The following ACMSD variants were observed in gnomAD, a reference collection of about 807,000 sequenced individuals.
The protein encoded by ACMSD is 2-amino-3-carboxymuconate-6-semialdehyde decarboxylase.
Under a neutral mutation model 45.9 loss-of-function variants are expected in ACMSD, and 37 were observed. That is an observed-to-expected ratio of 0.81 (90% CI 0.62 to 1.06). The LOEUF (loss-of-function observed/expected upper bound fraction) is 1.06, where lower values mean the gene tolerates loss of function less well. ACMSD is among the 50% of genes least tolerant of loss of function. The probability of loss-of-function intolerance (pLI) is 0.00; values close to 1 mark genes in which losing one functional copy is unlikely to be tolerated. For missense variants in ACMSD, 434 were observed against 420.9 expected (o/e 1.03, Z -0.27); for synonymous variants, 138 against 148.8 (o/e 0.93, Z 0.53).
intron 2 of ACMSD, among the ~76,000 whole-genome samples, chr2:134,855,666 C>A (rs977701376): frequency 6.6e-6 from 1 of 152,236 alleles, no homozygotes. Flanking sequence ...AGTGTGTGGA[C>A]ACCTGTCACA....
At chr2:134,866,329 A>G (rs1170346915) in intron 5 of ACMSD, among the ~76,000 whole-genome samples, 1 of 152,224 alleles carries the variant, frequency 6.6e-6, no homozygotes, top group Non-Finnish European at 1.5e-5. Context: ...CCAGAGGCAC[A>G]TAGAATAAAC....
intron 8 of ACMSD, chr2:134,872,899 TC>T: frequency 2.4e-6 from 1 of 421,706 alleles, no homozygotes; most frequent in South Asian, 3.4e-5. Flanking sequence ...GGCTGGGTAT[TC>T]CCCCAGATCA....
chr2:134,880,062 ATGTC>A (rs1688951174), intron 8 of ACMSD, among the ~76,000 whole-genome samples: 1 of 152,228 alleles, frequency 6.6e-6, no homozygotes, highest in Admixed American at 6.5e-5. Flanking sequence ...TTATCTAAAA[ATGTC>A]TGTATTCATC....
intron 8 of ACMSD, among the ~76,000 whole-genome samples, chr2:134,883,494 T>C (rs1321331720): frequency 6.6e-6 from 1 of 152,152 alleles, no homozygotes; most frequent in African/African-American, 2.4e-5. Context: ...GTGATAGAAC[T>C]AGCAATAGAA....
chr2:134,893,916 C>G (rs565356237), intron 8 of ACMSD, among the ~76,000 whole-genome samples: 1 of 152,204 alleles, frequency 6.6e-6, no homozygotes, highest in South Asian at 2.1e-4. Context: ...AAACATTAGA[C>G]ATGAATAGAA....
Position 134,872,506 on chromosome 2 carries a change from T to C in ACMSD, c.714T>C (p.His238=), listed in dbSNP as rs1433776256. Residue 238 remains histidine, a synonymous_variant, in exon 8 of 10, where the codon CAT becomes CAC. Transcript: ENST00000356140. Reference sequence around the variant, plus strand: ...CCTTCACAGTGGGAAGAATCTCCCATGGATTCAGCATGCGCCCAGATCTGT... The same window carrying C: ...CCTTCACAGTGGGAAGAATCTCCCACGGATTCAGCATGCGCCCAGATCTGT... The part of the protein sequence containing the change: ...AFPFTVGRIS[H]GFSMRPDLCA... 7 of 1,614,040 alleles carry C rather than the reference T, an allele frequency of 4.3e-6. No individual in the cohort carries two copies. The African/African-American group carries it at 8.0e-5, about 18-fold the overall frequency.
At chr2:134,888,785 G>A (rs915649603) in intron 8 of ACMSD, among the ~76,000 whole-genome samples, 1 of 152,080 alleles carries the variant, frequency 6.6e-6, no homozygotes, top group Non-Finnish European at 1.5e-5. Context: ...AGTTCTTGAA[G>A]AGGCAAAACT....
chr2:134,843,485 C>T (rs1348154128), intron 1 of ACMSD, among the ~76,000 whole-genome samples: 1 of 152,162 alleles, frequency 6.6e-6, no homozygotes, highest in Non-Finnish European at 1.5e-5. Context: ...GACACAAACA[C>T]CTCTATGCTG....
intron 8 of ACMSD, among the ~76,000 whole-genome samples, chr2:134,876,397 T>C (rs916218980): frequency 6.6e-6 from 1 of 152,206 alleles, no homozygotes; most frequent in African/African-American, 2.4e-5. Context: ...TCTCTTTATA[T>C]CCTGATAATC....
chr2:134,883,937 A>C (rs1456399119), intron 8 of ACMSD, among the ~76,000 whole-genome samples: 1 of 152,162 alleles, frequency 6.6e-6, no homozygotes, highest in Non-Finnish European at 1.5e-5. Flanking sequence ...TCTTGCTACT[A>C]TCTCTTCTCC....
At position 134,860,194 on chromosome 2, in the gene ACMSD, C is replaced by T. The variant is rs182211236; in HGVS notation, c.199+837C>T. Among the ~76,000 whole-genome samples, 10 of 152,290 alleles carry T rather than the reference C, an allele frequency of 6.6e-5. No individual in the cohort carries two copies. In the East Asian group the frequency reaches 1.5e-3, roughly 24 times the overall value. ...ACAAGAATCGCTTGAACCCAGGAGG[C>T]GGAGTTTGCAGTGAGCCGACATTGC... On this transcript the variant is annotated intron_variant, in intron 3 of 9. Coordinates refer to ENST00000356140, the MANE Select transcript of ACMSD (RefSeq NM_138326.3).
intron 8 of ACMSD, among the ~76,000 whole-genome samples, chr2:134,888,031 A>G (rs914159837): frequency 6.6e-6 from 1 of 152,250 alleles, no homozygotes; most frequent in African/African-American, 2.4e-5. Context: ...ATTAGACTTC[A>G]TCACATTAAA....
chr2:134,853,186 A>AAAAAAC (rs397868493), intron 2 of ACMSD, among the ~76,000 whole-genome samples: 11 of 149,798 alleles, frequency 7.3e-5, no homozygotes, highest in African/African-American at 2.7e-4. Context: ...AAAAAAAAAA[A>AAAAAAC]GGAAAGACAA....
At chr2:134,868,868 T>C (rs973492440) in intron 6 of ACMSD, 2 of 152,284 alleles carry the variant, frequency 1.3e-5, no homozygotes, top group African/African-American at 2.4e-5. Context: ...GGGCAATATA[T>C]TGGAAGTCAA....
intron 8 of ACMSD, among the ~76,000 whole-genome samples, chr2:134,874,712 A>G (rs184312800): frequency 6.6e-6 from 1 of 152,344 alleles, no homozygotes; most frequent in Admixed American, 6.5e-5. Flanking sequence ...AACTCCAAGA[A>G]AACAAAAAAT....
At position 134,859,293 on chromosome 2, in the gene ACMSD, C is replaced by G. The variant is rs778651133; in HGVS notation, c.135C>G (p.Val45=). The G allele has an allele frequency of 1.2e-6, 2 of 1,614,058 alleles. No individual in the cohort carries two copies. The highest frequency in any genetic ancestry group is 1.7e-6 in the Non-Finnish European group (2 of 1,180,012). Residue 45 remains valine (V), a synonymous_variant, in exon 3 of 10, where the codon GTC becomes GTG. Coordinates refer to ENST00000356140, the MANE Select transcript of ACMSD (RefSeq NM_138326.3). The part of the protein sequence containing the change: ...GEAKLLKDGK[V]FRVVRENCWD... ...CAAAGTTGTTGAAAGATGGGAAAGT[C>G]TTCAGAGTGGTGCGAGAGAATTGCT...
Position 134,872,650 on chromosome 2 carries a change from A to G in ACMSD, c.849+9A>G. 2 of 1,614,150 alleles carry G rather than the reference A, an allele frequency of 1.2e-6. No individual in the cohort carries two copies. Among genetic ancestry groups the G allele is most frequent in the Non-Finnish European group, 1.7e-6 (2 of 1,179,972 alleles). On this transcript the variant is annotated intron_variant, in intron 8 of 9. Coordinates refer to ENST00000356140, the MANE Select transcript of ACMSD (RefSeq NM_138326.3). ...CAGATGTCATAGGAAAGGTAAGCCC[A>G]GTCTGCCACTTGGATGGCTTATGGG...
At chr2:134,888,888 G>A (rs891588010) in intron 8 of ACMSD, among the ~76,000 whole-genome samples, 1 of 152,210 alleles carries the variant, frequency 6.6e-6, no homozygotes. Context: ...GAGCTTTGTG[G>A]GGTGATGAAA....
chr2:134,850,290 T>C (rs1294601192), intron 2 of ACMSD, among the ~76,000 whole-genome samples: 1 of 148,934 alleles, frequency 6.7e-6, no homozygotes. Context: ...TTTTCTGAGA[T>C]GGAGTTTCGC....
Sources: gnomAD v4.1 joint callset for allele counts (sites outside exome capture counted in the v4.1 genomes callset) on GRCh38, gnomAD v4.1.1 for gene constraint, MANE v1.5 for transcripts, NCBI Gene and HGNC (gene_info 2026-07-23, HGNC 2026-07-21) for gene names.